The following VGLL4 variants were observed in gnomAD, a reference collection of about 807,000 sequenced individuals.
The protein encoded by VGLL4 is vestigial like family member 4, also known as transcription cofactor vestigial-like protein 4.
A neutral mutation model predicts 21.0 loss-of-function variants in VGLL4; 7 were observed. That is an observed-to-expected ratio of 0.33 (90% CI 0.19 to 0.63). VGLL4 has a LOEUF of 0.63. Among genes scored for constraint, VGLL4 ranks in the 20% least tolerant of loss-of-function variants. The pLI, the probability that VGLL4 is intolerant of heterozygous loss-of-function variation, is 0.78. For synonymous variants in VGLL4, 222 were observed against 173.2 expected (o/e 1.28, Z -2.21); for missense variants, 394 against 425.7 (o/e 0.93, Z 0.66).
At chr3:11,616,476 C>G (rs549803550) in intron 1 of VGLL4, among the ~76,000 whole-genome samples, 37 of 152,330 alleles carry the variant, frequency 2.4e-4, no homozygotes, top group African/African-American at 8.7e-4. Flanking sequence ...CTAGAGCAGG[C>G]TCCAGGGATA....
intron 2 of VGLL4, among the ~76,000 whole-genome samples, chr3:11,677,909 CAAA>C (rs35366594): frequency 1.7e-5 from 2 of 120,900 alleles, no homozygotes; most frequent in Non-Finnish European, 3.3e-5. Flanking sequence ...CTTCGTCTTT[CAAA>C]AAAAAAAAAA....
rs574177697 is a variant in VGLL4 at position 11,657,121 on chromosome 3, G to C, written c.64+45850C>G. On this transcript the variant is annotated intron_variant, in intron 2 of 5. Transcript: ENST00000273038. ...ATCCAGTTCCCAGGCCATAACCTTT[G>C]CTAGCCATGCAATCTTCATCAAGTG... Among the ~76,000 whole-genome samples, 3 of 152,268 alleles carry C rather than the reference G, an allele frequency of 2.0e-5. No individual in the cohort carries two copies. In the South Asian group the frequency reaches 6.2e-4, roughly 32 times the overall value.
chr3:11,629,026 T>C (rs1019853206), intron 1 of VGLL4, among the ~76,000 whole-genome samples: 5 of 152,182 alleles, frequency 3.3e-5, no homozygotes, highest in African/African-American at 7.2e-5. Context: ...GGTGTTTGCA[T>C]AAATGATGCC....
chr3:11,594,032 C>T (rs1379237726), intron 2 of VGLL4, among the ~76,000 whole-genome samples: 1 of 152,224 alleles, frequency 6.6e-6, no homozygotes, highest in Non-Finnish European at 1.5e-5. Context: ...AGGATGCCTG[C>T]TCCAACGGGA....
chr3:11,566,255 C>T (rs754494434), intron 2 of VGLL4, among the ~76,000 whole-genome samples: 7 of 152,184 alleles, frequency 4.6e-5, no homozygotes, highest in African/African-American at 1.4e-4. Flanking sequence ...ATGTGATAGG[C>T]GTACCTTTCT....
intron 1 of VGLL4, among the ~76,000 whole-genome samples, chr3:11,617,933 G>A (rs2075194892): frequency 2.0e-5 from 3 of 152,192 alleles, no homozygotes; most frequent in South Asian, 2.1e-4. Flanking sequence ...AAAACTGTCA[G>A]TATACTCATT....
chr3:11,640,323 G>C (rs2075664810), intron 1 of VGLL4, among the ~76,000 whole-genome samples: 1 of 152,128 alleles, frequency 6.6e-6, no homozygotes, highest in African/African-American at 2.4e-5. Flanking sequence ...GTATTCTCAG[G>C]TGTTCAGAGG....
At chr3:11,684,730 C>CTGTGTGTGTCTGTGTGTGTG (rs2076420811) in intron 2 of VGLL4, among the ~76,000 whole-genome samples, 1 of 148,674 alleles carries the variant, frequency 6.7e-6, no homozygotes, top group Non-Finnish European at 1.5e-5. Flanking sequence ...CAACCTTTTT[C>CTGTGTGTGTCTGTGTGTGTG]TGTGTGTGTG....
At chr3:11,628,570 C>T (rs2075405498) in intron 1 of VGLL4, among the ~76,000 whole-genome samples, 1 of 152,124 alleles carries the variant, frequency 6.6e-6, no homozygotes, top group Non-Finnish European at 1.5e-5. Context: ...CCTGTAATCC[C>T]AGCACTTTGG....
chr3:11,588,154 C>T (rs1009503273), intron 2 of VGLL4, among the ~76,000 whole-genome samples: 2 of 152,190 alleles, frequency 1.3e-5, no homozygotes, highest in Admixed American at 6.5e-5. Flanking sequence ...GAGCTCTCCT[C>T]GTGGCTCCTT....
intron 2 of VGLL4, among the ~76,000 whole-genome samples, chr3:11,701,733 T>C (rs1277473226): frequency 6.6e-6 from 1 of 152,246 alleles, no homozygotes; most frequent in Non-Finnish European, 1.5e-5. Context: ...ATACACTTGC[T>C]GTCTGCCAAT....
chr3:11,561,725 AGT>A (rs2073024275), intron 3 of VGLL4, among the ~76,000 whole-genome samples: 1 of 151,920 alleles, frequency 6.6e-6, no homozygotes, highest in African/African-American at 2.4e-5. Context: ...CCCTGTTGGA[AGT>A]TACGCTGCGG....
rs1230678586 is a variant in VGLL4, at chr3:11,556,808, G to A, written c.*1748C>T. The A allele has an allele frequency of 6.5e-6, 1 of 152,750 alleles. No homozygotes were observed. Among genetic ancestry groups the A allele is most frequent in the Non-Finnish European group, 1.5e-5 (1 of 68,026 alleles). The allele number at this position is 152,750 out of a possible 1,614,324, so 9.5% of individuals were successfully genotyped here. The stretch of plus-strand genomic sequence containing the variant: ...AGTGTTCTCAACGATTTTTCCTACA[G>A]AAAATATAGGGGCCTGAATGCCAAA... On this transcript the variant is annotated 3_prime_UTR_variant, in exon 5 of 5. Coordinates refer to ENST00000430365, the MANE Select transcript of VGLL4 (RefSeq NM_001128219.3).
At chr3:11,678,199 C>T (rs560671531) in intron 2 of VGLL4, among the ~76,000 whole-genome samples, 5 of 152,222 alleles carry the variant, frequency 3.3e-5, no homozygotes, top group African/African-American at 1.2e-4. Flanking sequence ...GGACTACAGG[C>T]GTGCGCCACC....
intron 1 of VGLL4, among the ~76,000 whole-genome samples, chr3:11,615,014 T>C (rs933278908): frequency 6.6e-6 from 1 of 152,228 alleles, no homozygotes; most frequent in African/African-American, 2.4e-5. Flanking sequence ...TTTAGCTACA[T>C]GCATACACGT....
At chr3:11,662,138 C>T (rs1254219264) in intron 2 of VGLL4, among the ~76,000 whole-genome samples, 1 of 152,118 alleles carries the variant, frequency 6.6e-6, no homozygotes, top group Admixed American at 6.6e-5. Context: ...GCTGCTACCA[C>T]GGTGGAAGTC....
At chr3:11,599,915 G>C (rs982269466) in intron 2 of VGLL4, among the ~76,000 whole-genome samples, 1 of 151,978 alleles carries the variant, frequency 6.6e-6, no homozygotes, top group African/African-American at 2.4e-5. Context: ...CCATTCTTAA[G>C]TCCTTACAAT....
intron 2 of VGLL4, among the ~76,000 whole-genome samples, chr3:11,689,304 C>G (rs1475098743): frequency 2.0e-5 from 3 of 152,164 alleles, no homozygotes; most frequent in Admixed American, 1.3e-4. Context: ...GGGTTGACCT[C>G]CATGCCTGTT....
At chr3:11,702,005 C>A (rs2076687458) in intron 2 of VGLL4, among the ~76,000 whole-genome samples, 1 of 151,970 alleles carries the variant, frequency 6.6e-6, no homozygotes, top group Non-Finnish European at 1.5e-5. Context: ...TCCTTTCACC[C>A]ATCCCTCAAA....
Sources: allele counts gnomAD v4.1 joint callset (sites outside exome capture counted in the v4.1 genomes callset), GRCh38; gene constraint gnomAD v4.1.1; transcripts MANE v1.5; gene names NCBI Gene and HGNC (gene_info 2026-07-23, HGNC 2026-07-21).